Variants in CALCR observed in about 807,000 individuals in gnomAD.
The protein encoded by CALCR is calcitonin receptor.
In CALCR, 47 loss-of-function variants were observed where a neutral mutation model predicts 59.5. That is an observed-to-expected ratio of 0.79 (90% CI 0.63 to 1.01). CALCR has a LOEUF of 1.01. CALCR is among the 50% of genes least tolerant of loss of function. The pLI is 0.00. For synonymous variants in CALCR, 213 were observed against 211.3 expected (o/e 1.01, Z -0.07); for missense variants, 566 against 597.1 (o/e 0.95, Z 0.54).
rs370893082 is a variant in CALCR, at chr7:93,426,516, G to A, written c.1265C>T (p.Ser422Phe). The change falls in exon 14 of 14, where the codon TCC (serine) becomes TTC (phenylalanine). Residue 422 changes from serine to phenylalanine, a missense_variant. Ser to Phe is a radical substitution (Grantham distance 155). Transcript: ENST00000426151. The stretch of plus-strand genomic sequence containing the variant: ...GGCTGCAGCGCGAGCAGAGCGGTTG[G>A]AGGGGCGCCTCCCCCAACGCTGGTT... ...QWNQRWGRRP[S>F]NRSARAAAAA... is the part of the protein sequence containing the mutation. 6.8e-6 allele frequency: 11 copies of A among 1,614,028 alleles called. No individual in the cohort carries two copies. Among genetic ancestry groups the A allele is most frequent in the East Asian group, 2.2e-5 (1 of 44,848 alleles).
chr7:93,434,010 T>C (rs1799715139), intron 13 of CALCR, among the ~76,000 whole-genome samples: 1 of 152,226 alleles, frequency 6.6e-6, no homozygotes, highest in African/African-American at 2.4e-5. Flanking sequence ...CTGAGGGTGC[T>C]GATCTGTTCA....
chr7:93,494,076 G>T (rs1022555857), intron 2 of CALCR, among the ~76,000 whole-genome samples: 1 of 151,308 alleles, frequency 6.6e-6, no homozygotes, highest in Non-Finnish European at 1.5e-5. Context: ...GAACACCACG[G>T]GTGGTGCCAG....
At chr7:93,461,813 C>A (rs928414106) in intron 7 of CALCR, among the ~76,000 whole-genome samples, 1 of 152,036 alleles carries the variant, frequency 6.6e-6, no homozygotes, top group Non-Finnish European at 1.5e-5. Flanking sequence ...ATAGAGAGAG[C>A]CTACATCATG....
At chr7:93,446,251 T>A (rs1214190384) in intron 8 of CALCR, among the ~76,000 whole-genome samples, 1 of 152,032 alleles carries the variant, frequency 6.6e-6, no homozygotes, top group Non-Finnish European at 1.5e-5. Context: ...AGTCTATTCA[T>A]TTTTAAAAGA....
At chr7:93,566,726 A>G (rs1789871575) in intron 2 of CALCR, among the ~76,000 whole-genome samples, 1 of 152,148 alleles carries the variant, frequency 6.6e-6, no homozygotes, top group Admixed American at 6.5e-5. Context: ...TGTCTCAGGA[A>G]GTCACTGAGT....
chr7:93,558,063 A>G (rs1043313561), intron 2 of CALCR, among the ~76,000 whole-genome samples: 1 of 151,746 alleles, frequency 6.6e-6, no homozygotes, highest in East Asian at 1.9e-4. Flanking sequence ...TACTTAGCTC[A>G]GACTAGGCAC....
intron 2 of CALCR, 97 bp from the exon 3 acceptor site, chr7:93,487,104 A>T (rs1416742646): frequency 7.6e-6 from 5 of 658,400 alleles, no homozygotes; most frequent in Non-Finnish European, 7.8e-6. Context: ...CTTAAAGAGG[A>T]TCAACATCCC....
intron 2 of CALCR, among the ~76,000 whole-genome samples, chr7:93,537,401 T>C (rs1345705731): frequency 6.6e-6 from 1 of 151,752 alleles, no homozygotes; most frequent in Non-Finnish European, 1.5e-5. Context: ...AAGACAAATA[T>C]TGGTGGCTGA....
chr7:93,497,593 C>T (rs1345928183), intron 2 of CALCR, among the ~76,000 whole-genome samples: 3 of 151,548 alleles, frequency 2.0e-5, no homozygotes, highest in Non-Finnish European at 4.4e-5. Flanking sequence ...TCAGAGTGGT[C>T]TCTCCAACCA....
At chr7:93,456,552 G>A (rs1800212073) in intron 8 of CALCR, among the ~76,000 whole-genome samples, 1 of 152,076 alleles carries the variant, frequency 6.6e-6, no homozygotes, top group African/African-American at 2.4e-5. Flanking sequence ...ATCATGAAGG[G>A]GATGTCACAG....
At chr7:93,439,601 G>GTT (rs1358561952) in intron 9 of CALCR, among the ~76,000 whole-genome samples, 1 of 149,954 alleles carries the variant, frequency 6.7e-6, no homozygotes, top group African/African-American at 2.5e-5. Flanking sequence ...TGCTTTTTCT[G>GTT]TTTTTTTTTC....
At chr7:93,469,201 C>T (rs1312151299) in intron 6 of CALCR, among the ~76,000 whole-genome samples, 1 of 151,784 alleles carries the variant, frequency 6.6e-6, no homozygotes, top group African/African-American at 2.4e-5. Flanking sequence ...ACTTTCCAAG[C>T]TGTCCTGACC....
intron 2 of CALCR, among the ~76,000 whole-genome samples, chr7:93,500,281 C>A (rs567864066): frequency 1.3e-5 from 2 of 151,882 alleles, no homozygotes; most frequent in East Asian, 3.9e-4. Context: ...AATGATAGTT[C>A]ATCCTCTTGC....
intron 8 of CALCR, among the ~76,000 whole-genome samples, chr7:93,451,973 C>T (rs1259012841): frequency 6.6e-6 from 1 of 151,878 alleles, no homozygotes; most frequent in African/African-American, 2.4e-5. Flanking sequence ...AAACATTGAT[C>T]ACACAAGGAC....
chr7:93,472,441 A>T lies in CALCR; in HGVS notation c.363T>A (p.His121Gln). 1 of 1,610,574 alleles carries T rather than the reference A, an allele frequency of 6.2e-7. No homozygotes were observed. The highest frequency in any genetic ancestry group is 8.5e-7 in the Non-Finnish European group (1 of 1,177,578). The change falls in exon 6 of 14, where the codon CAT becomes CAA. Residue 121 changes from histidine to glutamine, a missense_variant. Physicochemically the swap from His to Gln is conservative, Grantham distance 24. Coordinates refer to ENST00000426151, the MANE Select transcript of CALCR (RefSeq NM_001742.4). ...TGGACCAGGTTCGATTGTTTTCAGG[A>T]TGTTTAAACCAAACACCTTTTTCAT... ...YCDEKGVWFK[H>Q]PENNRTWSNY...
At chr7:93,556,434 T>A (rs1230514351) in intron 2 of CALCR, among the ~76,000 whole-genome samples, 1 of 152,136 alleles carries the variant, frequency 6.6e-6, no homozygotes, top group African/African-American at 2.4e-5. Flanking sequence ...TTTTTTCTGA[T>A]TGCCTTTAAC....
chr7:93,522,800 A>G (rs961901523), intron 2 of CALCR, among the ~76,000 whole-genome samples: 9 of 152,146 alleles, frequency 5.9e-5, no homozygotes, highest in African/African-American at 1.7e-4. Context: ...ATGAAGATAT[A>G]TATAATTAAG....
intron 8 of CALCR, among the ~76,000 whole-genome samples, chr7:93,453,716 T>C (rs1360327763): frequency 2.0e-5 from 3 of 151,922 alleles, no homozygotes; most frequent in Non-Finnish European, 2.9e-5. Flanking sequence ...TGTGTAGAGG[T>C]ACCACCAAGA....
At chr7:93,563,410 C>T (rs1789790838) in intron 2 of CALCR, among the ~76,000 whole-genome samples, 1 of 152,030 alleles carries the variant, frequency 6.6e-6, no homozygotes, top group Non-Finnish European at 1.5e-5. Flanking sequence ...TATTTAGAGC[C>T]ATGTTTTGCT....
Sources: allele counts gnomAD v4.1 joint callset (sites outside exome capture counted in the v4.1 genomes callset), GRCh38; gene constraint gnomAD v4.1.1; transcripts MANE v1.5; gene names NCBI Gene and HGNC (gene_info 2026-07-23, HGNC 2026-07-21).